GLIS3: variants seen among roughly 807,000 people sequenced by gnomAD.
GLIS3 encodes the protein GLIS family zinc finger 3, also known as zinc finger protein GLIS3.
A neutral mutation model predicts 78.6 loss-of-function variants in GLIS3; 53 were observed. The ratio of observed to expected loss-of-function variants is 0.67; its 90% CI spans 0.54 to 0.85. GLIS3 has a LOEUF of 0.85. GLIS3 is among the 40% of genes least tolerant of loss of function. The probability of loss-of-function intolerance (pLI) is 0.00; values close to 1 mark genes in which losing one functional copy is unlikely to be tolerated. For missense variants in GLIS3, 1,703 were observed against 1,231.1 expected (o/e 1.38, Z -5.74); for synonymous variants, 684 against 509.9 (o/e 1.34, Z -4.60).
chr9:4,455,063 G>A, the GLIS3 span, among the ~76,000 whole-genome samples: 2 of 152,096 alleles, frequency 1.3e-5, no homozygotes, highest in Admixed American at 6.5e-5. Context: ...TGGGTGGATA[G>A]GGCAAAGTAG....
rs1230655846 is a variant in GLIS3 at position 3,826,659 on chromosome 9, C to A, written c.*1613G>T. 1 of 152,156 alleles carries A rather than the reference C, an allele frequency of 6.6e-6. No individual in the cohort carries two copies. The highest frequency in any genetic ancestry group is 1.5e-5 in the Non-Finnish European group (1 of 68,036). 9.4% of individuals were successfully genotyped at this position (152,156 alleles called of 1,614,324 possible). A position where few individuals can be genotyped will look rare whatever the true frequency, so the allele number is the denominator to read the frequency against. ...AACTCTGGAATCAGGTAGAATACTT[C>A]CGCTTGTGGGACTGTGGAGGGAGAC... is the stretch of plus-strand genomic sequence containing the variant. On this transcript the variant is annotated 3_prime_UTR_variant, in exon 11 of 11. Transcript: ENST00000381971.
At chr9:3,930,958 T>C (rs1563862628) in intron 6 of GLIS3, among the ~76,000 whole-genome samples, 1 of 152,214 alleles carries the variant, frequency 6.6e-6, no homozygotes, top group Non-Finnish European at 1.5e-5. Flanking sequence ...TGTGTTATTT[T>C]AAGAAGACTA....
At chr9:3,987,676 G>A (rs1425678432) in intron 4 of GLIS3, among the ~76,000 whole-genome samples, 27 of 140,850 alleles carry the variant, frequency 1.9e-4, no homozygotes, top group African/African-American at 6.6e-4. Context: ...CAGTCTGGGC[G>A]ACAAGAGTGA....
At chr9:4,316,644 A>T (rs1817440500) in intron 2 of GLIS3, among the ~76,000 whole-genome samples, 1 of 152,140 alleles carries the variant, frequency 6.6e-6, no homozygotes. Flanking sequence ...AGTGTGAGTA[A>T]GCGTAGGCAT....
At chr9:4,164,834 A>G (rs2131100317) in intron 2 of GLIS3, among the ~76,000 whole-genome samples, 1 of 152,344 alleles carries the variant, frequency 6.6e-6, no homozygotes, top group African/African-American at 2.4e-5. Context: ...CAAAGCAAAG[A>G]CCAGACTTAA....
intron 2 of GLIS3, among the ~76,000 whole-genome samples, chr9:4,213,678 C>A (rs559118873): frequency 2.6e-5 from 4 of 152,192 alleles, no homozygotes; most frequent in Non-Finnish European, 1.5e-5. Context: ...TTGTTCACTG[C>A]TGAAACCCTG....
chr9:3,971,318 A>G (rs952335475), intron 4 of GLIS3, among the ~76,000 whole-genome samples: 7 of 152,156 alleles, frequency 4.6e-5, no homozygotes, highest in African/African-American at 1.7e-4. Flanking sequence ...ATTCTATTTT[A>G]TGCTTTAATG....
rs1288595542 is a variant in GLIS3 at position 3,824,205 on chromosome 9, G to C, written c.*4067C>G. On this transcript the variant is annotated 3_prime_UTR_variant, in exon 11 of 11. Transcript: ENST00000381971. ...TTTATGGACACTCCCAACATGTAAA[G>C]GACTCAGGGAGACATTCATTTTTAC... The C allele has an allele frequency of 6.6e-6, 1 of 152,560 alleles. No individual in the cohort carries two copies. The highest frequency in any genetic ancestry group is 1.5e-5 in the Non-Finnish European group (1 of 68,028). The allele number at this position is 152,560 out of a possible 1,614,324, so 9.5% of individuals were successfully genotyped here.
At chr9:4,296,469 T>A (rs200671299) in intron 1 of GLIS3, among the ~76,000 whole-genome samples, 2 of 152,184 alleles carry the variant, frequency 1.3e-5, no homozygotes, top group East Asian at 3.8e-4. Context: ...AGGTGGACCT[T>A]GGAGTTCATC....
chr9:4,391,618 G>C, the GLIS3 span, among the ~76,000 whole-genome samples: 1 of 151,678 alleles, frequency 6.6e-6, no homozygotes, highest in Non-Finnish European at 1.5e-5. Flanking sequence ...TATTCTACCA[G>C]ATATGTAAAT....
chr9:4,288,982 C>G (rs1828227046), intron 1 of GLIS3, among the ~76,000 whole-genome samples: 2 of 152,076 alleles, frequency 1.3e-5, no homozygotes, highest in South Asian at 2.1e-4. Context: ...TAAATTTCAT[C>G]TATTTATATG....
chr9:4,028,522 A>C (rs1386874150), intron 4 of GLIS3, among the ~76,000 whole-genome samples: 1 of 152,186 alleles, frequency 6.6e-6, no homozygotes, highest in Non-Finnish European at 1.5e-5. Context: ...ATTCATATAG[A>C]AAAGAGTATA....
chr9:4,374,659 G>A, the GLIS3 span, among the ~76,000 whole-genome samples: 1 of 152,248 alleles, frequency 6.6e-6, no homozygotes, highest in South Asian at 2.1e-4. Context: ...TCCACCAGGA[G>A]GAAGAGAATG....
At chr9:4,003,840 T>G (rs1014966866) in intron 4 of GLIS3, among the ~76,000 whole-genome samples, 2 of 152,234 alleles carry the variant, frequency 1.3e-5, no homozygotes, top group African/African-American at 2.4e-5. Context: ...AATTCTTTCT[T>G]TGGTGCTTGT....
At chr9:4,291,591 G>A (rs1033113142) in intron 1 of GLIS3, among the ~76,000 whole-genome samples, 2 of 151,990 alleles carry the variant, frequency 1.3e-5, no homozygotes, top group African/African-American at 4.8e-5. Context: ...GGACACAGAA[G>A]AAAGAAAGGA....
intron 2 of GLIS3, among the ~76,000 whole-genome samples, chr9:4,126,188 A>G (rs2130915097): frequency 6.6e-6 from 1 of 152,310 alleles, no homozygotes; most frequent in South Asian, 2.1e-4. Flanking sequence ...TCTATGTAGA[A>G]GTGTCCAGTT....
intron 2 of GLIS3, among the ~76,000 whole-genome samples, chr9:4,275,263 C>T (rs1236306972): frequency 6.6e-6 from 1 of 151,910 alleles, no homozygotes; most frequent in African/African-American, 2.4e-5. Flanking sequence ...GTAAAATTTT[C>T]GAAAAAAGGA....
chr9:4,201,452 G>A (rs1196842602), intron 2 of GLIS3, among the ~76,000 whole-genome samples: 1 of 152,146 alleles, frequency 6.6e-6, no homozygotes, highest in Non-Finnish European at 1.5e-5. Flanking sequence ...CTCCACCAAA[G>A]GCTCCTAGAA....
chr9:4,115,018 G>A lies in GLIS3; in HGVS notation c.1710+2750C>T, dbSNP rs190844249. On this transcript the variant is annotated intron_variant, in intron 4 of 10. Coordinates refer to ENST00000381971, the MANE Select transcript of GLIS3 (RefSeq NM_001042413.2). ...GAATGCGTTCTCTCATGCATGACAT[G>A]AAATTTGGCATGAGGGAGGATACCA... 2.6e-5 allele frequency among the ~76,000 whole-genome samples: 4 copies of A among 152,328 alleles called. No individual in the cohort carries two copies. The East Asian group carries it at 7.7e-4, about 29-fold the overall frequency.
Sources: allele counts gnomAD v4.1 joint callset (sites outside exome capture counted in the v4.1 genomes callset), GRCh38; gene constraint gnomAD v4.1.1; transcripts MANE v1.5; gene names NCBI Gene and HGNC (gene_info 2026-07-23, HGNC 2026-07-21).